CLMP: variants seen among roughly 807,000 people sequenced by gnomAD.
The protein encoded by CLMP is CXADR-like membrane protein.
Under a neutral mutation model 45.2 loss-of-function variants are expected in CLMP, and 27 were observed. The observed-to-expected ratio is 0.60, with a 90% CI of 0.44 to 0.82. The LOEUF (loss-of-function observed/expected upper bound fraction) is 0.82. Among genes scored for constraint, CLMP ranks in the 40% least tolerant of loss-of-function variants. The pLI is 0.00. For synonymous variants in CLMP, 167 were observed against 171.4 expected (o/e 0.97, Z 0.20); for missense variants, 403 against 448.4 (o/e 0.90, Z 0.91).
intron 1 of CLMP, among the ~76,000 whole-genome samples, chr11:123,156,151 T>C (rs1861411499): frequency 6.6e-6 from 1 of 152,100 alleles, no homozygotes; most frequent in Admixed American, 6.6e-5. Context: ...GAGCTCACTC[T>C]CTCTCCCCTC....
chr11:123,117,873 A>C (rs190903839), intron 1 of CLMP, among the ~76,000 whole-genome samples: 1 of 152,344 alleles, frequency 6.6e-6, no homozygotes, highest in Non-Finnish European at 1.5e-5. Context: ...TTATCTTCAA[A>C]GAGTATGGCA....
intron 1 of CLMP, among the ~76,000 whole-genome samples, chr11:123,099,079 A>T (rs543950810): frequency 6.6e-6 from 1 of 151,618 alleles, no homozygotes; most frequent in Non-Finnish European, 1.5e-5. Context: ...CGATTCTCCA[A>T]CCTTGGCCTC....
intron 1 of CLMP, among the ~76,000 whole-genome samples, chr11:123,154,203 C>T (rs889981076): frequency 3.9e-5 from 6 of 152,322 alleles, no homozygotes; most frequent in South Asian, 2.1e-4. Flanking sequence ...TCACCCCCTC[C>T]TCCATGCAGG....
chr11:123,096,101 G>A (rs975670946), intron 2 of CLMP, among the ~76,000 whole-genome samples: 7 of 152,102 alleles, frequency 4.6e-5, no homozygotes, highest in Non-Finnish European at 8.8e-5. Context: ...AGTGGCTCAC[G>A]CCTGTAATCC....
intron 1 of CLMP, among the ~76,000 whole-genome samples, chr11:123,150,476 AAAGAAAGGAAGG>A (rs1469566488): frequency 8.4e-4 from 51 of 60,636 alleles, no homozygotes; most frequent in South Asian, 2.2e-3. Context: ...AGAAAGAAAG[AAAGAAAGGAAGG>A]AAGGAAGGAA....
chr11:123,076,868 G>A (rs543113979), intron 5 of CLMP, among the ~76,000 whole-genome samples: 62 of 152,214 alleles, frequency 4.1e-4, no homozygotes, highest in Admixed American at 2.9e-3. Flanking sequence ...GCTAGGAGGC[G>A]TATAATAGTG....
At chr11:123,167,469 T>G (rs1308094436) in intron 1 of CLMP, among the ~76,000 whole-genome samples, 1 of 152,100 alleles carries the variant, frequency 6.6e-6, no homozygotes, top group African/African-American at 2.4e-5. Context: ...GTATTTTTAG[T>G]AGAGACGGGG....
chr11:123,176,813 T>C (rs1032690970), intron 1 of CLMP, among the ~76,000 whole-genome samples: 7 of 152,208 alleles, frequency 4.6e-5, no homozygotes, highest in African/African-American at 1.4e-4. Context: ...ACTAATACTT[T>C]ATATGTGGCA....
intron 1 of CLMP, among the ~76,000 whole-genome samples, chr11:123,168,002 C>T (rs775906097): frequency 1.3e-5 from 2 of 150,044 alleles, no homozygotes; most frequent in African/African-American, 2.5e-5. Context: ...TTAGCATGAA[C>T]GATATTTCCA....
At chr11:123,150,480 A>AAGG (rs1565397435) in intron 1 of CLMP, among the ~76,000 whole-genome samples, 119 of 40,846 alleles carry the variant, frequency 2.9e-3, no homozygotes, top group Non-Finnish European at 3.3e-3. Context: ...AGAAAGAAAG[A>AAGG]AAGGAAGGAA....
intron 1 of CLMP, among the ~76,000 whole-genome samples, chr11:123,150,475 GAA>G (rs879276665): frequency 5.8e-5 from 6 of 104,040 alleles, no homozygotes; most frequent in Non-Finnish European, 1.0e-4. Context: ...AAGAAAGAAA[GAA>G]AGAAAGGAAG....
intron 1 of CLMP, among the ~76,000 whole-genome samples, chr11:123,128,877 C>T (rs761620131): frequency 6.6e-6 from 1 of 152,048 alleles, no homozygotes; most frequent in Admixed American, 6.6e-5. Context: ...CTTACACAAC[C>T]CCATACAATA....
chr11:123,126,281 G>A (rs1251551833), intron 1 of CLMP, among the ~76,000 whole-genome samples: 2 of 152,118 alleles, frequency 1.3e-5, no homozygotes, highest in Admixed American at 6.6e-5. Flanking sequence ...TATTTACACA[G>A]TGCTTGTCAC....
chr11:123,097,260 G>A (rs1172490829), intron 2 of CLMP, among the ~76,000 whole-genome samples: 1 of 152,036 alleles, frequency 6.6e-6, no homozygotes, highest in Non-Finnish European at 1.5e-5. Flanking sequence ...GGCACTCCTG[G>A]GCTCAAGTGA....
intron 2 of CLMP, among the ~76,000 whole-genome samples, chr11:123,095,350 T>A (rs916686515): frequency 2.6e-5 from 4 of 152,008 alleles, no homozygotes; most frequent in African/African-American, 9.7e-5. Context: ...TGGAGTGCAA[T>A]GGCTCGATCT....
At chr11:123,084,803 G>T in intron 2 of CLMP, 90 bp from the exon 3 acceptor site, 4 of 1,092,320 alleles carry the variant, frequency 3.7e-6, no homozygotes, top group Admixed American at 1.9e-5. Flanking sequence ...AGTACTCCCA[G>T]TGGCACAAAG....
intron 1 of CLMP, among the ~76,000 whole-genome samples, chr11:123,098,902 C>T (rs1866022072): frequency 6.6e-6 from 1 of 151,842 alleles, no homozygotes; most frequent in African/African-American, 2.4e-5. Flanking sequence ...ACCATCTTGG[C>T]CAGGCTAGTC....
chr11:123,155,409 T>G (rs1397030338), intron 1 of CLMP, among the ~76,000 whole-genome samples: 1 of 152,166 alleles, frequency 6.6e-6, no homozygotes. Context: ...GGTGAGAGAC[T>G]AGGGAAGGCA....
chr11:123,151,740 T>C (rs1201348276), intron 1 of CLMP, among the ~76,000 whole-genome samples: 1 of 152,242 alleles, frequency 6.6e-6, no homozygotes, highest in African/African-American at 2.4e-5. Flanking sequence ...ATATGAAGTA[T>C]GATAGGAACC....
Sources: gnomAD v4.1 joint callset for allele counts (sites outside exome capture counted in the v4.1 genomes callset) on GRCh38, gnomAD v4.1.1 for gene constraint, MANE v1.5 for transcripts, NCBI Gene and HGNC (gene_info 2026-07-23, HGNC 2026-07-21) for gene names.